Variants in NLRP3 observed in about 807,000 individuals in gnomAD.
NLRP3 encodes NACHT, LRR and PYD domains-containing protein 3.
In NLRP3, 48 loss-of-function variants were observed where a neutral mutation model predicts 91.3. That is an observed-to-expected ratio of 0.53 (90% CI 0.42 to 0.67). The LOEUF is 0.67. Ranked by LOEUF, NLRP3 falls within the 30% of genes least tolerant of loss-of-function variation. NLRP3 has a pLI of 0.00. For missense variants in NLRP3, 982 were observed against 1,276.9 expected (o/e 0.77, Z 3.52); for synonymous variants, 561 against 507.9 (o/e 1.10, Z -1.41).
In NLRP3 at chr1:247,423,851, C is replaced by T; in HGVS notation, c.402C>T (p.Tyr134=). The T allele has an allele frequency of 6.2e-7, 1 of 1,613,740 alleles. No individual in the cohort carries two copies. Among genetic ancestry groups the T allele is most frequent in the Non-Finnish European group, 8.5e-7 (1 of 1,179,926 alleles). ...RISICKMKKD[Y]RKKYRKYVRS... ...AACTTCCTGTCTTTGCCGTAGATTA[C>T]CGTAAGAAGTACAGAAAGTACGTGA... is the stretch of plus-strand genomic sequence containing the variant. Residue 134 remains tyrosine, a synonymous_variant, in exon 4 of 10, where the codon TAC becomes TAT. Transcript: ENST00000336119.
At chr1:247,428,779 C>G (rs967055862) in intron 4 of NLRP3, among the ~76,000 whole-genome samples, 1 of 152,024 alleles carries the variant, frequency 6.6e-6, no homozygotes, top group Admixed American at 6.6e-5. Context: ...ATGATCATGG[C>G]ACTGCATTCC....
intron 8 of NLRP3, 28 bp downstream of exon 8, chr1:247,444,170 G>A (rs371299980): frequency 2.5e-6 from 4 of 1,613,238 alleles, no homozygotes; most frequent in Admixed American, 3.3e-5. Context: ...TTACAGCAAT[G>A]AGAACACATG....
At chr1:247,444,958 G>T in intron 9 of NLRP3, 137 bp downstream of exon 9, 1 of 825,226 alleles carries the variant, frequency 1.2e-6, no homozygotes, top group Non-Finnish European at 2.0e-6. Context: ...AGTTGTGGTG[G>T]ATATTTTAAA....
chr1:247,436,252 G>A (rs1663784740), intron 7 of NLRP3, 112 bp downstream of exon 7: 2 of 1,033,006 alleles, frequency 1.9e-6, no homozygotes, highest in South Asian at 1.3e-5. Context: ...GTAGAGTAAG[G>A]AGGTAAAAAC....
At chr1:247,417,196 A>G (rs1025005960) in intron 1 of NLRP3, among the ~76,000 whole-genome samples, 3 of 152,206 alleles carry the variant, frequency 2.0e-5, no homozygotes, top group Non-Finnish European at 4.4e-5. Context: ...GAAACAAGTG[A>G]TGGAAGACAT....
At chr1:247,444,300 C>T (rs1435887547) in intron 8 of NLRP3, among the ~76,000 whole-genome samples, 158 bp downstream of exon 8, 1 of 152,100 alleles carries the variant, frequency 6.6e-6, no homozygotes, top group Non-Finnish European at 1.5e-5. Context: ...AGGAGTCCTT[C>T]CAGATGATAT....
In NLRP3 at chr1:247,424,678, C is replaced by T; in HGVS notation, c.1229C>T (p.Pro410Leu). 1 of 1,614,220 alleles carries T rather than the reference C, an allele frequency of 6.2e-7. No homozygotes were observed. The highest frequency in any genetic ancestry group is 8.5e-7 in the Non-Finnish European group (1 of 1,180,042). Residue 410 changes from proline (P) to leucine (L), a missense_variant, in exon 4 of 10, where the codon CCC (proline) becomes CTC (leucine). By Grantham distance (98) the Pro-to-Leu change is moderately conservative. Transcript: ENST00000336119. This position sits in a 1 kb window ranked among gnomAD's most constrained non-coding sequence, Gnocchi z 8.1. ...NEVLFTMCFI[P>L]LVCWIVCTGL... is the part of the protein sequence containing the mutation. The stretch of plus-strand genomic sequence containing the variant: ...GTCCTCTTCACCATGTGCTTCATCC[C>T]CCTGGTCTGCTGGATCGTGTGCACT...
At chr1:247,441,068 G>T (rs958392731) in intron 7 of NLRP3, among the ~76,000 whole-genome samples, 1 of 69,300 alleles carries the variant, frequency 1.4e-5, no homozygotes, top group Non-Finnish European at 3.5e-5. Flanking sequence ...TTCTTCTTCA[G>T]ATTCCTTCCT....
intron 7 of NLRP3, among the ~76,000 whole-genome samples, chr1:247,438,559 T>C (rs1475749110): frequency 6.6e-6 from 1 of 152,150 alleles, no homozygotes; most frequent in Non-Finnish European, 1.5e-5. Flanking sequence ...AATTTTTGTA[T>C]TTTTAGTAGA....
At chr1:247,433,752 C>T (rs181487854) in intron 5 of NLRP3, among the ~76,000 whole-genome samples, 1 of 132,812 alleles carries the variant, frequency 7.5e-6, no homozygotes, top group African/African-American at 2.8e-5. Context: ...TTCTCTATTC[C>T]GGAGCTCTCT....
rs147631017 is a variant in NLRP3 at position 247,424,013 on chromosome 1, C to T, written c.564C>T (p.Ile188=). Residue 188 remains isoleucine (I), a synonymous_variant, in exon 4 of 10, where the codon ATC becomes ATT. Transcript: ENST00000336119. The surrounding 1 kb of genome is among the most constrained non-coding windows in gnomAD (Gnocchi z 8.1). ...AGAGGGAGCAGGAGCTTCTGGCCAT[C>T]GGCAAGACCAAGACGTGTGAGAGCC... ...QQEREQELLA[I]GKTKTCESPV... The T allele has an allele frequency of 2.3e-4, 366 of 1,613,852 alleles. No individual in the cohort carries two copies. Among genetic ancestry groups the T allele is most frequent in the Non-Finnish European group, 2.7e-4 (319 of 1,179,990 alleles).
At chr1:247,444,423 A>G (rs1027997441) in intron 8 of NLRP3, among the ~76,000 whole-genome samples, 10 of 151,684 alleles carry the variant, frequency 6.6e-5, no homozygotes, top group African/African-American at 2.2e-4. Flanking sequence ...AATTTGGTAA[A>G]TCAATGAACA....
At position 247,433,360 on chromosome 1, in the gene NLRP3, G is replaced by A. The variant is rs114295319; in HGVS notation, c.2322-743G>A. ...GTGCAGCACTGGCGAGGGCAGTGCC[G>A]ACTGCGGGCACGTCAATGGTTAGGA... is the stretch of plus-strand genomic sequence containing the variant. On this transcript the variant is annotated intron_variant, in intron 5 of 9. Transcript: ENST00000336119. 6.5e-3 allele frequency among the ~76,000 whole-genome samples: 996 copies of A among 152,322 alleles called. 7 individuals carry two copies. The highest frequency in any genetic ancestry group is 0.023 in the African/African-American group (957 of 41,578).
Position 247,425,119 on chromosome 1 carries a change from C to T in NLRP3, c.1670C>T (p.Thr557Ile), listed in dbSNP as rs761265236. 2 of 1,614,152 alleles carry T rather than the reference C, an allele frequency of 1.2e-6. No homozygotes were observed. Among genetic ancestry groups the T allele is most frequent in the East Asian group, 4.5e-5 (2 of 44,870 alleles). The part of the protein sequence containing the change: ...SRLKLPSRDV[T>I]VLLENYGKFE... ...TTGAAGCTTCCCAGCCGAGACGTGACAGTCCTTCTGGAAAACTATGGCAAA... is the reference window on the plus strand; with the variant it reads ...TTGAAGCTTCCCAGCCGAGACGTGATAGTCCTTCTGGAAAACTATGGCAAA... Residue 557 changes from threonine to isoleucine, a missense_variant, in exon 4 of 10, where the codon ACA becomes ATA. Physicochemically the swap from Thr to Ile is moderately conservative, Grantham distance 89 (BLOSUM62 -1). Transcript: ENST00000336119. The surrounding 1 kb of genome is among the most constrained non-coding windows in gnomAD (Gnocchi z 4.1).
At position 247,424,283 on chromosome 1, in the gene NLRP3, C is replaced by T. The variant is rs533145119; in HGVS notation, c.834C>T (p.Cys278=). 7 of 1,614,060 alleles carry T rather than the reference C, an allele frequency of 4.3e-6. No individual in the cohort carries two copies. In the African/African-American group the frequency reaches 8.0e-5, roughly 18 times the overall value. ...RSLGDLIMSC[C]PDPNPPIHKI... The stretch of plus-strand genomic sequence containing the variant: ...TGGGGGACCTGATCATGAGCTGCTG[C>T]CCCGACCCAAACCCACCCATCCACA... Residue 278 remains cysteine (C), a synonymous_variant, in exon 4 of 10, where the codon TGC becomes TGT. Coordinates refer to ENST00000336119, the MANE Select transcript of NLRP3 (RefSeq NM_001243133.2). The surrounding 1 kb of genome is among the most constrained non-coding windows in gnomAD (Gnocchi z 8.1).
chr1:247,422,452 C>T (rs967548297), intron 2 of NLRP3, among the ~76,000 whole-genome samples: 1 of 151,956 alleles, frequency 6.6e-6, no homozygotes, highest in Non-Finnish European at 1.5e-5. Context: ...TATATATTTC[C>T]CCTAGTGACT....
At position 247,448,768 on chromosome 1, in the gene NLRP3, T is replaced by C; in HGVS notation, c.*264T>C. Reference sequence around the variant, plus strand: ...GCGCCTCAGTTAGAGGATGTTCCTCTTGGTGACCTCATGTAATTAGCTCAT... The same window carrying C: ...GCGCCTCAGTTAGAGGATGTTCCTCCTGGTGACCTCATGTAATTAGCTCAT... On this transcript the variant is annotated 3_prime_UTR_variant, in exon 10 of 10. Coordinates refer to ENST00000336119, the MANE Select transcript of NLRP3 (RefSeq NM_001243133.2). 1 of 520,822 alleles carries C rather than the reference T, an allele frequency of 1.9e-6. No homozygotes were observed. The highest frequency in any genetic ancestry group is 3.5e-6 in the Non-Finnish European group (1 of 287,078). 32.3% of individuals were successfully genotyped at this position (520,822 alleles called of 1,614,324 possible).
At chr1:247,432,792 C>T (rs913574481) in intron 5 of NLRP3, among the ~76,000 whole-genome samples, 50 of 152,128 alleles carry the variant, frequency 3.3e-4, no homozygotes, top group African/African-American at 1.1e-3. Flanking sequence ...GTTCTTGCCC[C>T]CATGACAGGG....
At chr1:247,439,859 A>G (rs915280928) in intron 7 of NLRP3, among the ~76,000 whole-genome samples, 6 of 152,212 alleles carry the variant, frequency 3.9e-5, no homozygotes, top group Non-Finnish European at 7.3e-5. Context: ...GCATTTTGGG[A>G]TAACTGTTCT....
Sources: allele counts gnomAD v4.1 joint callset (sites outside exome capture counted in the v4.1 genomes callset), GRCh38; gene constraint gnomAD v4.1.1; non-coding constraint Gnocchi (gnomAD v3.1); transcripts MANE v1.5; gene names NCBI Gene and HGNC (gene_info 2026-07-23, HGNC 2026-07-21).